NBEA: variants seen among roughly 807,000 people sequenced by gnomAD.
NBEA encodes neurobeachin.
NBEA carries 44 observed loss-of-function variants against 343.4 expected under a neutral mutation model. The observed-to-expected ratio is 0.13, with a 90% CI of 0.10 to 0.16. The LOEUF (loss-of-function observed/expected upper bound fraction) is 0.16. Among genes scored for constraint, NBEA ranks in the 10% least tolerant of loss-of-function variants. The pLI is 1.00. For missense variants in NBEA, 2,555 were observed against 3,631.3 expected, an observed-to-expected ratio of 0.70 and a Z score of 7.62; for synonymous variants, 1,175 against 1,238.7, an observed-to-expected ratio of 0.95 and a Z score of 1.08.
At chr13:35,574,751 C>T (rs11147570) in intron 45 of NBEA, among the ~76,000 whole-genome samples, 69,905 of 151,090 alleles carry the variant, frequency 0.46, 16,735 homozygotes, top group African/African-American at 0.57. Context: ...AATAAAGTGC[C>T]AATAGATTTT....
At chr13:35,258,898 G>C (rs964520291) in intron 34 of NBEA, among the ~76,000 whole-genome samples, 2 of 152,194 alleles carry the variant, frequency 1.3e-5, no homozygotes, top group Non-Finnish European at 2.9e-5. Context: ...AGTAGGATTT[G>C]TGTTAGATGA....
At chr13:35,541,495 T>C (rs2078822155) in intron 41 of NBEA, among the ~76,000 whole-genome samples, 1 of 152,156 alleles carries the variant, frequency 6.6e-6, no homozygotes, top group Non-Finnish European at 1.5e-5. Flanking sequence ...GAAGCCTTCT[T>C]GCAGTTTATC....
intron 40 of NBEA, among the ~76,000 whole-genome samples, chr13:35,463,343 C>T (rs1032808777): frequency 3.3e-5 from 5 of 152,120 alleles, no homozygotes; most frequent in Non-Finnish European, 5.9e-5. Context: ...AAGTTGCAGG[C>T]CAGGTGCGGT....
chr13:35,626,810 T>C (rs1007942265), intron 48 of NBEA, among the ~76,000 whole-genome samples: 1 of 152,242 alleles, frequency 6.6e-6, no homozygotes, highest in Admixed American at 6.5e-5. Context: ...TCTGAACTGT[T>C]ATTTCAAGAT....
intron 38 of NBEA, among the ~76,000 whole-genome samples, chr13:35,355,211 A>G (rs993612747): frequency 7.3e-6 from 1 of 137,316 alleles, no homozygotes; most frequent in Non-Finnish European, 1.7e-5. Flanking sequence ...ATATAGTCTT[A>G]TTTTTATATT....
chr13:35,193,355 A>G (rs377370371), intron 30 of NBEA, among the ~76,000 whole-genome samples: 2 of 151,926 alleles, frequency 1.3e-5, no homozygotes, highest in African/African-American at 2.4e-5. Flanking sequence ...ATGTACGGCT[A>G]TTCTTCTTTT....
At chr13:35,565,535 C>T (rs1306143209) in intron 44 of NBEA, among the ~76,000 whole-genome samples, 1 of 152,056 alleles carries the variant, frequency 6.6e-6, no homozygotes, top group African/African-American at 2.4e-5. Flanking sequence ...GGATGAAACT[C>T]ATATCACTAA....
chr13:35,356,026 A>T (rs1202281790), intron 38 of NBEA, among the ~76,000 whole-genome samples: 1 of 151,998 alleles, frequency 6.6e-6, no homozygotes, highest in East Asian at 1.9e-4. Context: ...TTTTATCCAT[A>T]ATTGTATCCC....
At chr13:35,299,688 C>T (rs1180996895) in intron 35 of NBEA, among the ~76,000 whole-genome samples, 1 of 152,070 alleles carries the variant, frequency 6.6e-6, no homozygotes, top group African/African-American at 2.4e-5. Flanking sequence ...AAAGGTTGTT[C>T]ATTTATTTTT....
At chr13:35,243,505 C>A (rs1002113384) in intron 34 of NBEA, among the ~76,000 whole-genome samples, 1 of 151,832 alleles carries the variant, frequency 6.6e-6, no homozygotes, top group Admixed American at 6.6e-5. Context: ...CAACTATGTG[C>A]TGTCTTTAAG....
chr13:35,451,179 A>T (rs1429797480), intron 39 of NBEA, among the ~76,000 whole-genome samples: 5 of 152,126 alleles, frequency 3.3e-5, no homozygotes, highest in Admixed American at 6.5e-5. Context: ...GCTGGAGTGC[A>T]GTGGCGCGAT....
Position 35,312,098 on chromosome 13 carries a change from A to C in NBEA, c.5903+2506A>C, listed in dbSNP as rs186357404. Among the ~76,000 whole-genome samples the C allele has an allele frequency of 1.5e-3, 229 of 152,332 alleles. 1 individual carries two copies. The highest frequency in any genetic ancestry group is 5.4e-3 in the African/African-American group (224 of 41,580). ...GTCAAATACTGCTATAAGAGTTAGG[A>C]ATAGAGTTAGGAATAAGATATAAAT... is the stretch of plus-strand genomic sequence containing the variant. On this transcript the variant is annotated intron_variant, in intron 36 of 58. Transcript: ENST00000379939.
At chr13:35,645,460 G>GA (rs1416832620) in intron 49 of NBEA, among the ~76,000 whole-genome samples, 1 of 152,108 alleles carries the variant, frequency 6.6e-6, no homozygotes, top group Non-Finnish European at 1.5e-5. Context: ...ACACACACAA[G>GA]AAAGGTATAT....
intron 33 of NBEA, among the ~76,000 whole-genome samples, chr13:35,211,552 C>T (rs996499396): frequency 6.6e-6 from 1 of 152,070 alleles, no homozygotes; most frequent in Non-Finnish European, 1.5e-5. Context: ...TGGTGGCTCA[C>T]GCCTGTAATC....
chr13:35,459,914 A>G (rs1306178437), intron 40 of NBEA, among the ~76,000 whole-genome samples: 1 of 152,200 alleles, frequency 6.6e-6, no homozygotes, highest in Non-Finnish European at 1.5e-5. Flanking sequence ...AATACTTACT[A>G]TGGGAGAGAG....
rs553253028 is a variant in NBEA at position 34,981,309 on chromosome 13, T to C, written c.294+38195T>C. Among the ~76,000 whole-genome samples, 40 of 152,342 alleles carry C rather than the reference T, an allele frequency of 2.6e-4. No individual in the cohort carries two copies. The South Asian group carries it at 7.9e-3, about 30-fold the overall frequency. On this transcript the variant is annotated intron_variant, in intron 1 of 58. Coordinates refer to ENST00000379939, the MANE Select transcript of NBEA (RefSeq NM_001385012.1). ...ATTTACCAGTTTACGACCATTTGAA[T>C]TGTTTCTAATTTTTGGCTTTTATGA...
At chr13:35,500,215 C>T (rs2152979462) in intron 41 of NBEA, among the ~76,000 whole-genome samples, 1 of 152,236 alleles carries the variant, frequency 6.6e-6, no homozygotes, top group African/African-American at 2.4e-5. Context: ...CAAGAGCTTT[C>T]CTGAACAATC....
intron 8 of NBEA, among the ~76,000 whole-genome samples, chr13:35,064,432 A>G (rs1306250003): frequency 6.6e-6 from 1 of 152,068 alleles, no homozygotes; most frequent in Non-Finnish European, 1.5e-5. Flanking sequence ...ATAGATTAGA[A>G]AATCCTGTAA....
chr13:35,358,215 G>A (rs1244593609), intron 38 of NBEA, among the ~76,000 whole-genome samples: 2 of 150,442 alleles, frequency 1.3e-5, no homozygotes, highest in African/African-American at 2.4e-5. Flanking sequence ...GTAGAGGCGG[G>A]GTTTCACCAT....
Sources: allele counts gnomAD v4.1 joint callset (sites outside exome capture counted in the v4.1 genomes callset), GRCh38; gene constraint gnomAD v4.1.1; transcripts MANE v1.5; gene names NCBI Gene and HGNC (gene_info 2026-07-23, HGNC 2026-07-21).